The following ZNF385D variants were observed in gnomAD, a reference collection of about 807,000 sequenced individuals.
ZNF385D encodes zinc finger protein 659.
Under a neutral mutation model 35.8 loss-of-function variants are expected in ZNF385D, and 15 were observed. The ratio of observed to expected loss-of-function variants is 0.42; its 90% CI spans 0.28 to 0.64. The LOEUF is 0.64. ZNF385D is among the 30% of genes least tolerant of loss of function. The probability of loss-of-function intolerance (pLI) is 0.23; values close to 1 mark genes in which losing one functional copy is unlikely to be tolerated. For missense variants in ZNF385D, 474 were observed against 494.6 expected, an observed-to-expected ratio of 0.96 and a Z score of 0.39; for synonymous variants, 212 against 186.8, an observed-to-expected ratio of 1.13 and a Z score of -1.10.
chr3:21,933,179 C>T (rs556879813), intron 3 of ZNF385D, among the ~76,000 whole-genome samples: 9 of 152,290 alleles, frequency 5.9e-5, no homozygotes, highest in South Asian at 2.1e-4. Context: ...CAATAAAATA[C>T]ACTTGATTCA....
At chr3:22,302,720 C>A (rs1270038101) in intron 2 of ZNF385D, among the ~76,000 whole-genome samples, 1 of 151,990 alleles carries the variant, frequency 6.6e-6, no homozygotes, top group Non-Finnish European at 1.5e-5. Context: ...TGTATTCTTG[C>A]ACATGGCTTT....
intron 3 of ZNF385D, among the ~76,000 whole-genome samples, chr3:22,047,430 A>T (rs1001747943): frequency 6.6e-6 from 1 of 151,962 alleles, no homozygotes. Flanking sequence ...TCTAGTAACC[A>T]CTATTGTACT....
intron 3 of ZNF385D, among the ~76,000 whole-genome samples, chr3:22,140,219 A>G (rs1438192108): frequency 1.3e-5 from 2 of 152,220 alleles, no homozygotes; most frequent in Admixed American, 6.5e-5. Context: ...GTAGTACATC[A>G]TCTATACAAT....
chr3:21,677,798 C>T (rs1446243047), intron 1 of ZNF385D, among the ~76,000 whole-genome samples: 1 of 151,726 alleles, frequency 6.6e-6, no homozygotes, highest in Non-Finnish European at 1.5e-5. Flanking sequence ...TCTGTTAGTC[C>T]TTAATAATTT....
chr3:21,750,222 C>T (rs1447657001), intron 1 of ZNF385D, among the ~76,000 whole-genome samples: 1 of 152,236 alleles, frequency 6.6e-6, no homozygotes, highest in Non-Finnish European at 1.5e-5. Flanking sequence ...GGATCCAAGC[C>T]TCAACATGCT....
intron 2 of ZNF385D, among the ~76,000 whole-genome samples, chr3:22,289,769 A>C (rs1702203071): frequency 6.6e-6 from 1 of 152,124 alleles, no homozygotes. Flanking sequence ...GCACTGATGC[A>C]TGCACCAATG....
At chr3:21,699,863 G>A (rs190959954) in intron 1 of ZNF385D, among the ~76,000 whole-genome samples, 193 of 103,278 alleles carry the variant, frequency 1.9e-3, no homozygotes, top group African/African-American at 7.2e-3. Flanking sequence ...CAAGAGTCTT[G>A]CTCTGTCGCC....
At chr3:21,768,921 T>A (rs988042305) in intron 3 of ZNF385D, among the ~76,000 whole-genome samples, 6 of 151,940 alleles carry the variant, frequency 3.9e-5, no homozygotes, top group African/African-American at 1.2e-4. Flanking sequence ...ACTAAATAAA[T>A]GGGAAATTTA....
chr3:22,212,327 C>T (rs1286625640), intron 2 of ZNF385D, among the ~76,000 whole-genome samples: 1 of 151,964 alleles, frequency 6.6e-6, no homozygotes, highest in Non-Finnish European at 1.5e-5. Context: ...GTCTCTGTGC[C>T]TGCACTTCTT....
chr3:21,461,640 C>T (rs73131534), intron 4 of ZNF385D, among the ~76,000 whole-genome samples: 3,199 of 152,260 alleles, frequency 0.021, 108 homozygotes, highest in African/African-American at 0.073. Context: ...CTAGTAAAGA[C>T]GTTTTAAATT....
rs2062121821 is a variant in ZNF385D, at chr3:21,539,533, T to C, written c.276+25041A>G. Among the ~76,000 whole-genome samples, 1 of 152,188 alleles carries C rather than the reference T, an allele frequency of 6.6e-6. No individual in the cohort carries two copies. The highest frequency in any genetic ancestry group is 2.1e-4 in the South Asian group (1 of 4,830). On this transcript the variant is annotated intron_variant, in intron 3 of 7. Coordinates refer to ENST00000281523, the MANE Select transcript of ZNF385D (RefSeq NM_024697.3). The surrounding 1 kb of genome is among the most constrained non-coding windows in gnomAD (Gnocchi z 4.0). ...AAATCCACATTATTCAGTAATTTCATATGTTAGTTTGTTTTCTTTATGCTT... is the reference window on the plus strand; with the variant it reads ...AAATCCACATTATTCAGTAATTTCACATGTTAGTTTGTTTTCTTTATGCTT...
chr3:22,044,358 G>C (rs1576217420), intron 3 of ZNF385D, among the ~76,000 whole-genome samples: 1 of 152,084 alleles, frequency 6.6e-6, no homozygotes, highest in Admixed American at 6.6e-5. Context: ...ATGGCTGCTT[G>C]ATCGAATCAC....
chr3:21,717,736 G>A (rs1284797174), intron 1 of ZNF385D, among the ~76,000 whole-genome samples: 1 of 152,106 alleles, frequency 6.6e-6, no homozygotes, highest in African/African-American at 2.4e-5. Context: ...CCTTTCACTT[G>A]GTTCTCATTC....
Position 21,665,745 on chromosome 3 carries a change from A to C in ZNF385D, c.23-717T>G, listed in dbSNP as rs142843295. On this transcript the variant is annotated intron_variant, in intron 1 of 7. Coordinates refer to ENST00000281523, the MANE Select transcript of ZNF385D (RefSeq NM_024697.3). ...AAGACATCCCCTTTGCATGCCAGTAAGTAGCCAGCCTTTTGCAAGAGAGCA... is the reference window on the plus strand; with the variant it reads ...AAGACATCCCCTTTGCATGCCAGTACGTAGCCAGCCTTTTGCAAGAGAGCA... 6.9e-3 allele frequency among the ~76,000 whole-genome samples: 1,046 copies of C among 152,248 alleles called. 11 individuals carry two copies. Among genetic ancestry groups the C allele is most frequent in the African/African-American group, 0.024 (996 of 41,552 alleles).
intron 1 of ZNF385D, among the ~76,000 whole-genome samples, chr3:21,677,821 G>A (rs1231505731): frequency 6.6e-6 from 1 of 151,866 alleles, no homozygotes; most frequent in East Asian, 1.9e-4. Flanking sequence ...TTTTTTAGTT[G>A]TGGAAACTGG....
intron 3 of ZNF385D, among the ~76,000 whole-genome samples, chr3:21,904,484 C>A (rs1263309736): frequency 1.3e-5 from 2 of 152,010 alleles, no homozygotes; most frequent in East Asian, 1.9e-4. Context: ...TACGTAATAT[C>A]ATACATACTG....
intron 3 of ZNF385D, among the ~76,000 whole-genome samples, chr3:22,058,950 A>C (rs779159): frequency 1.3e-5 from 2 of 151,946 alleles, no homozygotes; most frequent in Non-Finnish European, 2.9e-5. Flanking sequence ...AGGAATATTT[A>C]CTAGCTAAGA....
chr3:21,791,844 C>A (rs199888081), intron 3 of ZNF385D, among the ~76,000 whole-genome samples: 2 of 152,200 alleles, frequency 1.3e-5, no homozygotes, highest in East Asian at 3.9e-4. Flanking sequence ...AAGCAATTCT[C>A]CTGCCTCAGC....
At chr3:22,137,484 G>A (rs983512159) in intron 3 of ZNF385D, among the ~76,000 whole-genome samples, 1 of 152,038 alleles carries the variant, frequency 6.6e-6, no homozygotes, top group Non-Finnish European at 1.5e-5. Flanking sequence ...TGATCAAATG[G>A]GCTTCATCCC....
Sources: gnomAD v4.1 joint callset for allele counts (sites outside exome capture counted in the v4.1 genomes callset) on GRCh38, gnomAD v4.1.1 for gene constraint, Gnocchi (gnomAD v3.1) non-coding constraint, MANE v1.5 for transcripts, NCBI Gene and HGNC (gene_info 2026-07-23, HGNC 2026-07-21) for gene names.